HERC2: variants seen among roughly 807,000 people sequenced by gnomAD.
HERC2 encodes E3 ubiquitin-protein ligase HERC2.
HERC2 carries 102 observed loss-of-function variants against 537.7 expected under a neutral mutation model. The ratio of observed to expected loss-of-function variants is 0.19; its 90% CI spans 0.16 to 0.22. The LOEUF is 0.22. Among genes scored for constraint, HERC2 ranks in the 10% least tolerant of loss-of-function variants. The pLI is 1.00. For missense variants in HERC2, 4,236 were observed against 6,198.2 expected (o/e 0.68, Z 10.63); for synonymous variants, 2,224 against 2,466.2 (o/e 0.90, Z 2.91).
At chr15:28,204,099 C>G (rs1232834476) in intron 45 of HERC2, among the ~76,000 whole-genome samples, 1 of 152,098 alleles carries the variant, frequency 6.6e-6, no homozygotes, top group Non-Finnish European at 1.5e-5. Flanking sequence ...GAGAAGAAAA[C>G]TCCCCTTTCT....
At chr15:28,272,115 G>A (rs374453464) in intron 9 of HERC2, 100 bp downstream of exon 9, 28 of 1,092,516 alleles carry the variant, frequency 2.6e-5, no homozygotes, top group Middle Eastern at 3.1e-4. Flanking sequence ...ACACACACAC[G>A]CCAGAGAAAA....
At position 28,122,232 on chromosome 15, in the gene HERC2, G is replaced by A. The variant is rs1888994205; in HGVS notation, c.13189-803C>T. Reference sequence around the variant, plus strand: ...TGAGGACCCAGCCGTTCCCCAGGAGGGAGCAGGTCGGCCATGCCCGTGGGG... The same window carrying A: ...TGAGGACCCAGCCGTTCCCCAGGAGAGAGCAGGTCGGCCATGCCCGTGGGG... On this transcript the variant is annotated intron_variant, in intron 85 of 92. Transcript: ENST00000261609. This position sits in a 1 kb window ranked among gnomAD's most constrained non-coding sequence, Gnocchi z 4.1. Among the ~76,000 whole-genome samples, 1 of 152,244 alleles carries A rather than the reference G, an allele frequency of 6.6e-6. No individual in the cohort carries two copies. The highest frequency in any genetic ancestry group is 1.5e-5 in the Non-Finnish European group (1 of 68,038).
intron 78 of HERC2, among the ~76,000 whole-genome samples, chr15:28,136,127 C>T (rs201248316): frequency 1.3e-5 from 2 of 148,298 alleles, no homozygotes; most frequent in Non-Finnish European, 3.0e-5. Context: ...GGAAAAAACA[C>T]CTTTTTTTTT....
intron 68 of HERC2, among the ~76,000 whole-genome samples, chr15:28,165,233 C>A (rs1271851140): frequency 6.6e-6 from 1 of 152,180 alleles, no homozygotes; most frequent in African/African-American, 2.4e-5. Flanking sequence ...TGGAGGCAGA[C>A]TGGTTCTGAG....
intron 34 of HERC2, 36 bp downstream of exon 34, chr15:28,229,159 A>G (rs1455965093): frequency 6.4e-7 from 1 of 1,558,260 alleles, no homozygotes; most frequent in African/African-American, 1.4e-5. Context: ...ATTAAAGGCA[A>G]ACTATAAAAT....
intron 23 of HERC2, among the ~76,000 whole-genome samples, chr15:28,244,018 A>C (rs1903407260): frequency 6.6e-6 from 1 of 152,228 alleles, no homozygotes; most frequent in Non-Finnish European, 1.5e-5. Context: ...TCTACAAAAA[A>C]TTTAAAAATT....
Position 28,177,598 on chromosome 15 carries a change from G to A in HERC2, c.9164-89C>T. The A allele has an allele frequency of 6.3e-6, 7 of 1,107,952 alleles. No homozygotes were observed. The highest frequency in any genetic ancestry group is 8.3e-6 in the Non-Finnish European group (6 of 723,126). 68.6% of individuals were successfully genotyped at this position (1,107,952 alleles called of 1,614,324 possible). On this transcript the variant is annotated intron_variant, in intron 59 of 92. Transcript: ENST00000261609. The surrounding 1 kb of genome is among the most constrained non-coding windows in gnomAD (Gnocchi z 5.0). ...AGCTCCCTATTTTGCCTGGCATATA[G>A]CACACACTCAATGAGCGTGAGCTGA...
intron 68 of HERC2, among the ~76,000 whole-genome samples, chr15:28,165,633 A>C (rs1408598270): frequency 6.7e-6 from 1 of 149,694 alleles, no homozygotes; most frequent in Non-Finnish European, 1.5e-5. Flanking sequence ...TCTGAAAAAA[A>C]AAGAGAAAAA....
chr15:28,273,160 T>C, intron 7 of HERC2, 156 bp from the exon 8 acceptor site: 1 of 655,166 alleles, frequency 1.5e-6, no homozygotes, highest in East Asian at 2.7e-5. Flanking sequence ...TCAAATTTAT[T>C]CAGAGATTAT....
intron 15 of HERC2, among the ~76,000 whole-genome samples, chr15:28,261,249 C>T (rs2075408014): frequency 6.6e-6 from 1 of 151,728 alleles, no homozygotes; most frequent in Non-Finnish European, 1.5e-5. Context: ...TTCAGATTTT[C>T]AGTCAGAAAG....
chr15:28,186,401 T>G (rs960032266), intron 56 of HERC2, among the ~76,000 whole-genome samples, 176 bp downstream of exon 56: 2 of 152,238 alleles, frequency 1.3e-5, no homozygotes, highest in South Asian at 4.1e-4. Context: ...GTTTCTACAT[T>G]AAACACTTTA....
intron 69 of HERC2, among the ~76,000 whole-genome samples, chr15:28,153,440 G>A (rs1440915601): frequency 6.6e-6 from 1 of 152,104 alleles, no homozygotes; most frequent in Non-Finnish European, 1.5e-5. Context: ...GATCACTGGA[G>A]GTCAGGAGTT....
Position 28,141,777 on chromosome 15 carries a change from T to C in HERC2, c.11770A>G (p.Ile3924Val), listed in dbSNP as rs1891251364. 1 of 1,614,200 alleles carries C rather than the reference T, an allele frequency of 6.2e-7. No homozygotes were observed. ...TGTTCGTCTTGCTCTCTTTTAAAAA[T>C]GTCATGGCTCTCATGCAGAACATCC... Reference protein sequence around the residue: ...NMDVLHESHDIFKREQDEQLV... With the variant: ...NMDVLHESHDVFKREQDEQLV... Residue 3924 changes from isoleucine to valine, a missense_variant, in exon 77 of 93, where the codon ATT (isoleucine) becomes GTT (valine). Transcript: ENST00000261609.
At chr15:28,219,833 T>C (rs990713736) in intron 37 of HERC2, among the ~76,000 whole-genome samples, 2 of 151,000 alleles carry the variant, frequency 1.3e-5, no homozygotes, top group African/African-American at 2.5e-5. Context: ...AAGCTTCACA[T>C]GTCTTTTAGG....
rs771123512 is a variant in HERC2, at chr15:28,144,006, G to C, written c.11300-15C>G. 26 of 1,614,044 alleles carry C rather than the reference G, an allele frequency of 1.6e-5. No individual in the cohort carries two copies. Among genetic ancestry groups the C allele is most frequent in the Non-Finnish European group, 2.2e-5 (26 of 1,180,048 alleles). Reference sequence around the variant, plus strand: ...GTGACTGGCAGCTGAAATGAGCAGAGAGAAAGTATCAGAAGTCTGATGGTT... The same window carrying C: ...GTGACTGGCAGCTGAAATGAGCAGACAGAAAGTATCAGAAGTCTGATGGTT... On this transcript the variant is annotated splice_polypyrimidine_tract_variant and intron_variant, in intron 73 of 92. Transcript: ENST00000261609.
At chr15:28,235,524 C>A (rs1260254751) in intron 26 of HERC2, among the ~76,000 whole-genome samples, 1 of 152,190 alleles carries the variant, frequency 6.6e-6, no homozygotes, top group Non-Finnish European at 1.5e-5. Context: ...ACACCAAGAT[C>A]CTCCTTCCCC....
intron 40 of HERC2, among the ~76,000 whole-genome samples, 158 bp from the exon 41 acceptor site, chr15:28,214,430 C>T (rs1443791491): frequency 2.7e-5 from 4 of 150,482 alleles, no homozygotes; most frequent in South Asian, 2.1e-4. Context: ...GGCACTGCGC[C>T]GCTCTTCACC....
chr15:28,264,398 A>C (rs2075503298), intron 14 of HERC2, among the ~76,000 whole-genome samples: 1 of 152,222 alleles, frequency 6.6e-6, no homozygotes, highest in Admixed American at 6.5e-5. Context: ...GGCACAGCAG[A>C]CCTGAACACA....
chr15:28,146,031 A>T lies in HERC2; in HGVS notation c.11008+206T>A, dbSNP rs117427560. Among the ~76,000 whole-genome samples the T allele has an allele frequency of 5.5e-4, 84 of 152,356 alleles. No individual in the cohort carries two copies. The East Asian group carries it at 9.7e-3, about 18-fold the overall frequency. The stretch of plus-strand genomic sequence containing the variant: ...AGGGCCCATCCGACAGGGATGTGGT[A>T]CATACATCACAGATAATTACTGTAT... On this transcript the variant is annotated intron_variant, in intron 71 of 92. Coordinates refer to ENST00000261609, the MANE Select transcript of HERC2 (RefSeq NM_004667.6).
Sources: allele counts gnomAD v4.1 joint callset (sites outside exome capture counted in the v4.1 genomes callset), GRCh38; gene constraint gnomAD v4.1.1; non-coding constraint Gnocchi (gnomAD v3.1); transcripts MANE v1.5; gene names NCBI Gene and HGNC (gene_info 2026-07-23, HGNC 2026-07-21).